GOLM2: variants seen among roughly 807,000 people sequenced by gnomAD.
GOLM2 encodes the protein protein GOLM2.
GOLM2 carries 26 observed loss-of-function variants against 55.9 expected under a neutral mutation model. That is an observed-to-expected ratio of 0.47 (90% CI 0.34 to 0.65). The LOEUF (loss-of-function observed/expected upper bound fraction) is 0.65, where lower values mean the gene tolerates loss of function less well. Ranked by LOEUF, GOLM2 falls within the 30% of genes least tolerant of loss-of-function variation. GOLM2 has a pLI of 0.01. For missense variants in GOLM2, 486 were observed against 531.8 expected, an observed-to-expected ratio of 0.91 and a Z score of 0.85; for synonymous variants, 165 against 194.6, an observed-to-expected ratio of 0.85 and a Z score of 1.27.
At chr15:44,329,462 C>T (rs1489187486) in intron 3 of GOLM2, among the ~76,000 whole-genome samples, 1 of 152,068 alleles carries the variant, frequency 6.6e-6, no homozygotes, top group Non-Finnish European at 1.5e-5. Context: ...TAACAGTATT[C>T]AGTATTTTTC....
At position 44,413,957 on chromosome 15, in the gene GOLM2, C is replaced by T. The variant is rs1269649263; in HGVS notation, c.*551C>T. On this transcript the variant is annotated 3_prime_UTR_variant, in exon 10 of 10. Coordinates refer to ENST00000299957, the MANE Select transcript of GOLM2 (RefSeq NM_138423.4). The stretch of plus-strand genomic sequence containing the variant: ...TCCCAAGTAGCTGGGATTACAGGCA[C>T]CCACCACCATGCCCAGCTAATTTTT... 1 of 152,046 alleles carries T rather than the reference C, an allele frequency of 6.6e-6. No individual in the cohort carries two copies. The highest frequency in any genetic ancestry group is 2.4e-5 in the African/African-American group (1 of 41,368). The allele number at this position is 152,046 out of a possible 1,614,324, so 9.4% of individuals were successfully genotyped here.
At chr15:44,396,176 G>A (rs2079525658) in intron 8 of GOLM2, among the ~76,000 whole-genome samples, 1 of 152,006 alleles carries the variant, frequency 6.6e-6, no homozygotes, top group East Asian at 1.9e-4. Context: ...CCAACATGGC[G>A]AAACCCCGTC....
chr15:44,379,575 A>G (rs1203535187), intron 6 of GOLM2, 115 bp from the exon 7 acceptor site: 3 of 660,792 alleles, frequency 4.5e-6, no homozygotes, highest in Middle Eastern at 4.2e-4. Context: ...CAAAATTAGA[A>G]TAAACATCAT....
chr15:44,303,100 C>CCCAA (rs1555420902), intron 1 of GOLM2, among the ~76,000 whole-genome samples: 1 of 134,176 alleles, frequency 7.5e-6, no homozygotes, highest in Non-Finnish European at 1.6e-5. Flanking sequence ...AATACTCCAT[C>CCCAA]TCAATAAATA....
At chr15:44,319,630 A>C (rs1206824661) in intron 1 of GOLM2, among the ~76,000 whole-genome samples, 1 of 151,936 alleles carries the variant, frequency 6.6e-6, no homozygotes, top group Non-Finnish European at 1.5e-5. Flanking sequence ...TCTGCCACCT[A>C]GGGTAGGAGT....
chr15:44,396,906 T>C (rs1220311779), intron 8 of GOLM2, among the ~76,000 whole-genome samples: 2 of 152,238 alleles, frequency 1.3e-5, no homozygotes, highest in Non-Finnish European at 1.5e-5. Flanking sequence ...GTGTGTTGTT[T>C]CTTTGTGTTC....
intron 9 of GOLM2, 39 bp from the exon 10 acceptor site, chr15:44,413,296 TA>T (rs1384671701): frequency 1.4e-6 from 2 of 1,475,942 alleles, no homozygotes; most frequent in Non-Finnish European, 9.4e-7. Context: ...TGCAGTGATT[TA>T]AAAAATAATA....
At chr15:44,325,748 G>C (rs2078976583) in intron 2 of GOLM2, among the ~76,000 whole-genome samples, 1 of 152,158 alleles carries the variant, frequency 6.6e-6, no homozygotes, top group Non-Finnish European at 1.5e-5. Context: ...TTTTGCTACT[G>C]CTTCCTACTG....
At chr15:44,406,789 C>T (rs1297112633) in intron 9 of GOLM2, 1 of 152,076 alleles carries the variant, frequency 6.6e-6, no homozygotes, top group Non-Finnish European at 1.5e-5. Context: ...GTTGTGAGGT[C>T]CCTAGGATTA....
intron 8 of GOLM2, among the ~76,000 whole-genome samples, chr15:44,399,747 C>A (rs1307481701): frequency 6.6e-6 from 1 of 152,134 alleles, no homozygotes; most frequent in African/African-American, 2.4e-5. Flanking sequence ...GTAATCCCAG[C>A]ACTTTGGGAG....
At chr15:44,294,380 C>A (rs1567018269) in intron 1 of GOLM2, among the ~76,000 whole-genome samples, 1 of 151,798 alleles carries the variant, frequency 6.6e-6, no homozygotes, top group Non-Finnish European at 1.5e-5. Context: ...GAGTTCAAGA[C>A]CACCCTGACT....
rs1402832532 is a variant in GOLM2 at position 44,403,020 on chromosome 15, A to T, written c.1206A>T (p.Glu402Asp). 2 of 1,614,096 alleles carry T rather than the reference A, an allele frequency of 1.2e-6. No individual in the cohort carries two copies. Among genetic ancestry groups the T allele is most frequent in the East Asian group, 4.5e-5 (2 of 44,872 alleles). The change falls in exon 9 of 10, where the codon GAA becomes GAT. Residue 402 changes from glutamate to aspartate, a missense_variant. Transcript: ENST00000299957. Reference sequence around the variant, plus strand: ...AGGCTGAGCTGGCTTACAATGAGGAAGAAGATGGTGATGGTGGAGAGGAAG... The same window carrying T: ...AGGCTGAGCTGGCTTACAATGAGGATGAAGATGGTGATGGTGGAGAGGAAG... Reference protein sequence around the residue: ...DKQAELAYNEEEDGDGGEEDV... With the variant: ...DKQAELAYNEDEDGDGGEEDV...
chr15:44,322,842 A>T (rs929998165), intron 1 of GOLM2, 123 bp from the exon 2 acceptor site: 4 of 587,304 alleles, frequency 6.8e-6, no homozygotes, highest in Non-Finnish European at 1.2e-5. Context: ...AAAGAGGTAG[A>T]GTATAAATAA....
At chr15:44,407,605 CT>C (rs937307222) in intron 9 of GOLM2, among the ~76,000 whole-genome samples, 1 of 150,378 alleles carries the variant, frequency 6.6e-6, no homozygotes, top group African/African-American at 2.4e-5. Context: ...CGAATTCTTG[CT>C]TTTTTTTTAA....
chr15:44,289,354 A>T lies in GOLM2; in HGVS notation c.325A>T (p.Lys109Ter), dbSNP rs1364978538. 1 of 1,610,634 alleles carries T rather than the reference A, an allele frequency of 6.2e-7. No individual in the cohort carries two copies. Among genetic ancestry groups the T allele is most frequent in the Admixed American group, 1.7e-5 (1 of 59,314 alleles). The change falls in exon 1 of 10, where the codon AAG (lysine) becomes TAG (stop). Residue 109 changes from lysine (K) to a stop codon, truncating the protein, a stop_gained and splice_region_variant. Transcript: ENST00000299957. LOFTEE classifies it high-confidence loss of function. The surrounding 1 kb of genome is among the most constrained non-coding windows in gnomAD (Gnocchi z 4.8). ...CCTCGGGAAGAGATGCGAGGATGACAAGGTAAGGACGACCCTTTTCTCTTC... is the reference window on the plus strand; with the variant it reads ...CCTCGGGAAGAGATGCGAGGATGACTAGGTAAGGACGACCCTTTTCTCTTC... ...EGLGKRCEDD[K>*]VKLQNNISYQ...
chr15:44,288,734 TGAG>T lies in GOLM2; in HGVS notation c.-294_-292del. On this transcript the variant is annotated 5_prime_UTR_variant, in exon 1 of 10. Transcript: ENST00000299957. ...GGTTTTTTTCCCCGCCTCCCAACCG[TGAG>T]GTGTTGGGTTTGGGGGACGCTGGCA... 1 of 406,664 alleles carries T rather than the reference TGAG, an allele frequency of 2.5e-6. No homozygotes were observed. Among genetic ancestry groups the T allele is most frequent in the Non-Finnish European group, 4.4e-6 (1 of 226,612 alleles). 25.2% of individuals were successfully genotyped at this position (406,664 alleles called of 1,614,324 possible).
chr15:44,293,681 A>G (rs2078736443), intron 1 of GOLM2, among the ~76,000 whole-genome samples: 1 of 152,192 alleles, frequency 6.6e-6, no homozygotes, highest in African/African-American at 2.4e-5. Context: ...ACATCATAAC[A>G]TGGGTATGTT....
chr15:44,388,854 C>T (rs1384116621), intron 8 of GOLM2, among the ~76,000 whole-genome samples: 2 of 151,664 alleles, frequency 1.3e-5, no homozygotes, highest in East Asian at 1.9e-4. Flanking sequence ...CTCGGTCTGT[C>T]GCCCGTGCTG....
At chr15:44,402,717 T>C (rs2079573425) in intron 8 of GOLM2, 170 bp from the exon 9 acceptor site, 1 of 492,768 alleles carries the variant, frequency 2.0e-6, no homozygotes, top group East Asian at 3.0e-5. Flanking sequence ...TTCAGAGTCT[T>C]CCCTCTTATA....
Sources: gnomAD v4.1 joint callset for allele counts (sites outside exome capture counted in the v4.1 genomes callset) on GRCh38, gnomAD v4.1.1 for gene constraint, Gnocchi (gnomAD v3.1) non-coding constraint, MANE v1.5 for transcripts, NCBI Gene and HGNC (gene_info 2026-07-23, HGNC 2026-07-21) for gene names.